ITGAM: variants seen among roughly 807,000 people sequenced by gnomAD.
The protein encoded by ITGAM is integrin subunit alpha M.
Under a neutral mutation model 137.5 loss-of-function variants are expected in ITGAM, and 79 were observed. The ratio of observed to expected loss-of-function variants is 0.57; its 90% CI spans 0.48 to 0.69. The LOEUF is 0.69. ITGAM is among the 30% of genes least tolerant of loss of function. The pLI is 0.00. For missense variants in ITGAM, 1,343 were observed against 1,483.5 expected (o/e 0.91, Z 1.56); for synonymous variants, 583 against 592.3 (o/e 0.98, Z 0.23).
intron 12 of ITGAM, among the ~76,000 whole-genome samples, chr16:31,289,976 G>A (rs1031507160): frequency 6.6e-6 from 1 of 151,362 alleles, no homozygotes; most frequent in African/African-American, 2.4e-5. Flanking sequence ...AGCTACTTGG[G>A]AGGCTGAGGC....
intron 14 of ITGAM, among the ~76,000 whole-genome samples, chr16:31,302,477 TTC>T: frequency 1.6e-5 from 2 of 121,928 alleles, no homozygotes; most frequent in South Asian, 2.3e-4. Context: ...CTTTCTTTCT[TTC>T]TTTCTTTTTT....
At position 31,324,913 on chromosome 16, in the gene ITGAM, G is replaced by A; in HGVS notation, c.2290-45G>A. On this transcript the variant is annotated intron_variant, in intron 18 of 29. Transcript: ENST00000544665. This position sits in a 1 kb window ranked among gnomAD's most constrained non-coding sequence, Gnocchi z 4.5. ...TTTATTGTTTAATTTCACAATACTT[G>A]GTTATTTTCTTTCCTTTCATTTGAT... The A allele has an allele frequency of 1.9e-6, 3 of 1,559,806 alleles. No homozygotes were observed. The highest frequency in any genetic ancestry group is 2.6e-6 in the Non-Finnish European group (3 of 1,147,110).
chr16:31,311,988 A>T (rs1046445214), intron 14 of ITGAM, among the ~76,000 whole-genome samples: 8 of 151,896 alleles, frequency 5.3e-5, no homozygotes, highest in African/African-American at 1.7e-4. Context: ...CTTTGTAGGG[A>T]CATGGATGAA....
At chr16:31,330,229 A>G (rs2080562198) in intron 26 of ITGAM, 65 bp downstream of exon 26, 2 of 1,589,030 alleles carry the variant, frequency 1.3e-6, no homozygotes, top group African/African-American at 1.3e-5. Context: ...TGGAACCTGT[A>G]TGGTCTCTGA....
chr16:31,299,517 C>T (rs1373705339), intron 14 of ITGAM, among the ~76,000 whole-genome samples: 1 of 152,024 alleles, frequency 6.6e-6, no homozygotes, highest in Non-Finnish European at 1.5e-5. Context: ...CCATGTTGTC[C>T]AGGCTGGTCT....
intron 1 of ITGAM, 49 bp from the exon 2 acceptor site, chr16:31,261,643 C>T (rs1358299971): frequency 1.6e-6 from 2 of 1,254,752 alleles, no homozygotes; most frequent in South Asian, 2.5e-5. Flanking sequence ...CAGCCCCTAA[C>T]TGGCATGCTA....
chr16:31,312,678 C>T (rs2080347103), intron 14 of ITGAM, among the ~76,000 whole-genome samples: 1 of 152,146 alleles, frequency 6.6e-6, no homozygotes, highest in Non-Finnish European at 1.5e-5. Context: ...ATCTTCCCAC[C>T]TTGGCCTCCC....
intron 9 of ITGAM, 124 bp from the exon 10 acceptor site, chr16:31,276,547 G>T: frequency 1.5e-6 from 1 of 666,492 alleles, no homozygotes; most frequent in Non-Finnish European, 2.7e-6. Context: ...CACCAGACTG[G>T]TCTCTAACTC....
chr16:31,277,914 T>C (rs532145365), intron 11 of ITGAM, 53 bp from the exon 12 acceptor site: 4 of 1,536,320 alleles, frequency 2.6e-6, no homozygotes, highest in Admixed American at 2.0e-5. Context: ...TGGGTCTGCA[T>C]GGTGGAGGAG....
rs2079778299 is a variant in ITGAM at position 31,267,118 on chromosome 16, T to A, written c.427+971T>A. ...CCTGAGCTCTGGTGATCTGCCCACC[T>A]TGGCTTCCCAAAGTGCTGGGAATGA... On this transcript the variant is annotated intron_variant, in intron 5 of 29. Coordinates refer to ENST00000544665, the MANE Select transcript of ITGAM (RefSeq NM_000632.4). Among the ~76,000 whole-genome samples, 4 of 152,250 alleles carry A rather than the reference T, an allele frequency of 2.6e-5. No individual in the cohort carries two copies. The South Asian group carries it at 8.3e-4, about 32-fold the overall frequency.
chr16:31,328,108 G>C, intron 22 of ITGAM, 39 bp from the exon 23 acceptor site: 1 of 1,516,768 alleles, frequency 6.6e-7, no homozygotes, highest in Non-Finnish European at 9.2e-7. Flanking sequence ...CTAACTGTCA[G>C]TTCTCAAGAG....
At chr16:31,305,948 G>T (rs1356725385) in intron 14 of ITGAM, among the ~76,000 whole-genome samples, 1 of 151,910 alleles carries the variant, frequency 6.6e-6, no homozygotes, top group Non-Finnish European at 1.5e-5. Context: ...ATCCTTTTCT[G>T]GTTTTGATAT....
chr16:31,325,629 A>G lies in ITGAM; in HGVS notation c.2628+7A>G, dbSNP rs1311714505. On this transcript the variant is annotated splice_region_variant and intron_variant, in intron 21 of 29. Coordinates refer to ENST00000544665, the MANE Select transcript of ITGAM (RefSeq NM_000632.4). ...CTTCCCGGAAAACTCAGAGGTCAGAACTCCTGGCTCCTCCCCTCCTTTTCT... is the reference window on the plus strand; with the variant it reads ...CTTCCCGGAAAACTCAGAGGTCAGAGCTCCTGGCTCCTCCCCTCCTTTTCT... 6.2e-7 allele frequency: 1 copy of G among 1,610,152 alleles called. No homozygotes were observed. The highest frequency in any genetic ancestry group is 8.5e-7 in the Non-Finnish European group (1 of 1,178,596).
rs1367979201 is a variant in ITGAM, at chr16:31,332,531, G to A, written c.*824G>A. 6.6e-6 allele frequency: 1 copy of A among 152,276 alleles called. No individual in the cohort carries two copies. Among genetic ancestry groups the A allele is most frequent in the Non-Finnish European group, 1.5e-5 (1 of 68,072 alleles). 9.4% of individuals were successfully genotyped at this position (152,276 alleles called of 1,614,324 possible). On this transcript the variant is annotated 3_prime_UTR_variant, in exon 30 of 30. Coordinates refer to ENST00000544665, the MANE Select transcript of ITGAM (RefSeq NM_000632.4). ...CAGATATTCAAGTCACCTCCTTAAAGGTAGTCAAGATTGTGTTTTGAGGTT... is the reference window on the plus strand; with the variant it reads ...CAGATATTCAAGTCACCTCCTTAAAAGTAGTCAAGATTGTGTTTTGAGGTT...
Position 31,270,741 on chromosome 16 carries a change from A to T in ITGAM, c.428-213A>T, listed in dbSNP as rs557056664. Among the ~76,000 whole-genome samples, 239 of 108,170 alleles carry T rather than the reference A, an allele frequency of 2.2e-3. 2 individuals carry two copies. Among genetic ancestry groups the T allele is most frequent in the Non-Finnish European group, 3.3e-3 (185 of 55,790 alleles). 71.0% of individuals were successfully genotyped at this position (108,170 alleles called of 152,430 possible). ...TATATATATATATATATATATATATATATGTTTTTAACGTGTGTATACATA... is the reference window on the plus strand; with the variant it reads ...TATATATATATATATATATATATATTTATGTTTTTAACGTGTGTATACATA... On this transcript the variant is annotated intron_variant, in intron 5 of 29. Transcript: ENST00000544665.
In ITGAM at chr16:31,329,790, C is replaced by T. The variant is rs1187142568; in HGVS notation, c.2869-8C>T. 5.2e-6 allele frequency: 8 copies of T among 1,550,314 alleles called. No individual in the cohort carries two copies. The East Asian group carries it at 7.3e-5, about 14-fold the overall frequency. On this transcript the variant is annotated splice_region_variant and splice_polypyrimidine_tract_variant and intron_variant, in intron 24 of 29. Transcript: ENST00000544665. ...GCCAGAGCCCTGACCCCGCCCTCCC[C>T]GGTGCAGGTCAGCAACCTGGGGCAG...
rs1288335734 is a variant in ITGAM, at chr16:31,330,375, T to G, written c.3128T>G (p.Phe1043Cys). The G allele has an allele frequency of 6.2e-7, 1 of 1,613,902 alleles. No homozygotes were observed. The highest frequency in any genetic ancestry group is 1.3e-5 in the African/African-American group (1 of 74,930). ...CCGTTCTTTGGCATCCAGGAAGAAT[T>G]CAATGCTACCCTCAAAGGCAACCTC... ...DIPFFGIQEE[F>C]NATLKGNLSF... The change falls in exon 27 of 30, where the codon TTC becomes TGC. Residue 1043 changes from phenylalanine to cysteine, a missense_variant. Phe to Cys is a radical substitution (Grantham distance 205). Coordinates refer to ENST00000544665, the MANE Select transcript of ITGAM (RefSeq NM_000632.4).
chr16:31,299,033 T>C (rs1235463406), intron 14 of ITGAM, among the ~76,000 whole-genome samples: 1 of 152,234 alleles, frequency 6.6e-6, no homozygotes, highest in Admixed American at 6.5e-5. Context: ...TTCTGGCCTC[T>C]GGTCTCTGGG....
rs1464444421 is a variant in ITGAM at position 31,324,087 on chromosome 16, G to A, written c.2003-312G>A. Among the ~76,000 whole-genome samples the A allele has an allele frequency of 7.4e-6, 1 of 135,802 alleles. No individual in the cohort carries two copies. 89.1% of individuals were successfully genotyped at this position (135,802 alleles called of 152,430 possible). A position where few individuals can be genotyped will look rare whatever the true frequency, so the allele number is the denominator to read the frequency against. On this transcript the variant is annotated intron_variant, in intron 16 of 29. Coordinates refer to ENST00000544665, the MANE Select transcript of ITGAM (RefSeq NM_000632.4). The surrounding 1 kb of genome is among the most constrained non-coding windows in gnomAD (Gnocchi z 4.5). ...GAAGGAAAGGAAGGAAAGTAGGAAA[G>A]GAAGGAAAGGAAGAAAAGGAAGGAA...
Sources: allele counts gnomAD v4.1 joint callset (sites outside exome capture counted in the v4.1 genomes callset), GRCh38; gene constraint gnomAD v4.1.1; non-coding constraint Gnocchi (gnomAD v3.1); transcripts MANE v1.5; gene names NCBI Gene and HGNC (gene_info 2026-07-23, HGNC 2026-07-21).